The following GLI1 variants were observed in gnomAD, a reference collection of about 807,000 sequenced individuals.
GLI1 encodes transcription activator GLI1.
GLI1 carries 51 observed loss-of-function variants against 87.8 expected under a neutral mutation model. The ratio of observed to expected loss-of-function variants is 0.58; its 90% CI spans 0.46 to 0.73. GLI1 has a LOEUF of 0.73. GLI1 is among the 30% of genes least tolerant of loss of function. The pLI, the probability that GLI1 is intolerant of heterozygous loss-of-function variation, is 0.00. For synonymous variants in GLI1, 528 were observed against 558.2 expected, an observed-to-expected ratio of 0.95 and a Z score of 0.76; for missense variants, 1,292 against 1,437.2, an observed-to-expected ratio of 0.90 and a Z score of 1.63.
In GLI1 at chr12:57,468,183, A is replaced by G. The variant is rs1272008775; in HGVS notation, c.1267A>G (p.Ile423Val). ...CAAGAGGGAGCGGGAAGGAGGTCCC[A>G]TCAGGGAGGAAAGCAGACTGACTGT... ...EPKREREGGPIREESRLTVPE... is the reference protein window; with the variant it reads ...EPKREREGGPVREESRLTVPE... The change falls in exon 10 of 12, where the codon ATC becomes GTC. Residue 423 changes from isoleucine (I) to valine (V), a missense_variant. By Grantham distance (29) the Ile-to-Val change is conservative. Coordinates refer to ENST00000228682, the MANE Select transcript of GLI1 (RefSeq NM_005269.3). The G allele has an allele frequency of 6.2e-7, 1 of 1,614,054 alleles. No homozygotes were observed. Among genetic ancestry groups the G allele is most frequent in the Non-Finnish European group, 8.5e-7 (1 of 1,180,018 alleles).
At chr12:57,461,067 C>G (rs1255623767) in intron 1 of GLI1, among the ~76,000 whole-genome samples, 1 of 151,922 alleles carries the variant, frequency 6.6e-6, no homozygotes, top group Non-Finnish European at 1.5e-5. Context: ...CCCTGCCTGC[C>G]CTTGCTCCCC....
intron 9 of GLI1, 63 bp from the exon 10 acceptor site, chr12:57,467,931 C>T: frequency 3.3e-6 from 4 of 1,223,158 alleles, no homozygotes; most frequent in Non-Finnish European, 4.8e-6. Context: ...CACTTTTTCC[C>T]ATTTCTTCTG....
intron 4 of GLI1, 24 bp from the exon 5 acceptor site, chr12:57,465,087 G>A (rs1452207138): frequency 6.2e-7 from 1 of 1,612,610 alleles, no homozygotes; most frequent in Admixed American, 1.7e-5. Flanking sequence ...ATTGTCTTAA[G>A]TAACTGCCTC....
intron 5 of GLI1, 25 bp from the exon 6 acceptor site, chr12:57,465,580 TCA>T: frequency 6.3e-7 from 1 of 1,589,164 alleles, no homozygotes. Context: ...TCCACCCTCA[TCA>T]CCGTCACCTC....
At position 57,468,074 on chromosome 12, in the gene GLI1, G is replaced by A; in HGVS notation, c.1158G>A (p.Val386=). The change falls in exon 10 of 12, where the codon GTG becomes GTA. Residue 386 remains valine (V), a synonymous_variant. Transcript: ENST00000228682. The stretch of plus-strand genomic sequence containing the variant: ...CGCTGCGAAAACATGTCAAGACAGT[G>A]CATGGTCCTGACGCCCATGTGACCA... The part of the protein sequence containing the change: ...PSSLRKHVKT[V]HGPDAHVTKR... The A allele has an allele frequency of 6.2e-7, 1 of 1,614,158 alleles. No individual in the cohort carries two copies. Among genetic ancestry groups the A allele is most frequent in the Non-Finnish European group, 8.5e-7 (1 of 1,179,984 alleles).
At position 57,465,133 on chromosome 12, in the gene GLI1, C is replaced by G; in HGVS notation, c.412C>G (p.Gln138Glu). Residue 138 changes from glutamine (Q) to glutamate (E), a missense_variant, in exon 5 of 12, where the codon CAG becomes GAG. Gln to Glu is a conservative substitution (Grantham distance 29). This residue lies in a region of GLI1 where 383 missense variants were observed against 368.4 expected (regional missense o/e 1.04). Coordinates refer to ENST00000228682, the MANE Select transcript of GLI1 (RefSeq NM_005269.3). ...TMSPSLGFPA[Q>E]MNHQKGPSPS... ...CAGCCCATCTCTGGGATTCCCAGCC[C>G]AGATGAATCACCAAAAAGGGCCCTC... 1 of 1,614,154 alleles carries G rather than the reference C, an allele frequency of 6.2e-7. No individual in the cohort carries two copies. The highest frequency in any genetic ancestry group is 8.5e-7 in the Non-Finnish European group (1 of 1,179,982).
intron 8 of GLI1, 85 bp from the exon 9 acceptor site, chr12:57,467,248 G>A (rs575009403): frequency 8.9e-7 from 1 of 1,118,832 alleles, no homozygotes; most frequent in Admixed American, 2.2e-5. Context: ...ATTCTCTGAT[G>A]TGTGTCCTGT....
At chr12:57,464,177 T>C (rs1871323987) in intron 3 of GLI1, 86 bp downstream of exon 3, 1 of 915,672 alleles carries the variant, frequency 1.1e-6, no homozygotes, top group East Asian at 2.4e-5. Flanking sequence ...GGATCTCACT[T>C]GGAGGAGGAG....
intron 1 of GLI1, among the ~76,000 whole-genome samples, chr12:57,462,397 C>G (rs540061193): frequency 6.6e-6 from 1 of 152,112 alleles, no homozygotes; most frequent in East Asian, 1.9e-4. Context: ...ATCCCAGCAT[C>G]CCGGGATCAC....
In GLI1 at chr12:57,465,118, C is replaced by G. The variant is rs1476006703; in HGVS notation, c.397C>G (p.Leu133Val). The G allele has an allele frequency of 1.2e-6, 2 of 1,614,146 alleles. No homozygotes were observed. Among genetic ancestry groups the G allele is most frequent in the Non-Finnish European group, 1.7e-6 (2 of 1,179,966 alleles). ...HLSIGTMSPS[L>V]GFPAQMNHQK... ...GCCTCCTCTCCTCCTCAGCCCATCT[C>G]TGGGATTCCCAGCCCAGATGAATCA... is the stretch of plus-strand genomic sequence containing the variant. The change falls in exon 5 of 12, where the codon CTG becomes GTG. Residue 133 changes from leucine to valine, a missense_variant. Leu to Val is a conservative substitution (Grantham distance 32, BLOSUM62 1). Around this residue, in one of 3 missense-constraint regions of GLI1, gnomAD observed 383 missense variants for 368.4 expected, o/e 1.04. Transcript: ENST00000228682.
Position 57,468,031 on chromosome 12 carries a change from G to A in GLI1, c.1115G>A (p.Arg372His), listed in dbSNP as rs913592640. The A allele has an allele frequency of 5.0e-6, 8 of 1,614,014 alleles. No individual in the cohort carries two copies. The highest frequency in any genetic ancestry group is 2.7e-5 in the African/African-American group (2 of 74,926). The change falls in exon 10 of 12, where the codon CGC (arginine) becomes CAC (histidine). Residue 372 changes from arginine (R) to histidine (H), a missense_variant. Arg to His is a conservative substitution (Grantham distance 29, BLOSUM62 0). Transcript: ENST00000228682. Reference protein sequence around the residue: ...YVCKLPGCTKRYTDPSSLRKH... With the variant: ...YVCKLPGCTKHYTDPSSLRKH... ...TGTAAGCTCCCTGGCTGCACCAAACGCTATACAGATCCTAGCTCGCTGCGA... is the reference window on the plus strand; with the variant it reads ...TGTAAGCTCCCTGGCTGCACCAAACACTATACAGATCCTAGCTCGCTGCGA...
At chr12:57,469,358 A>G (rs1203008478) in intron 10 of GLI1, 73 bp from the exon 11 acceptor site, 55 of 1,477,426 alleles carry the variant, frequency 3.7e-5, no homozygotes, top group African/African-American at 1.4e-5. Context: ...ACTGGGACAC[A>G]GGCTTCAGCC....
chr12:57,463,536 G>A (rs1300593537), intron 1 of GLI1, 129 bp from the exon 2 acceptor site: 2 of 658,832 alleles, frequency 3.0e-6, no homozygotes, highest in Admixed American at 2.2e-5. Context: ...TTTTCAACTC[G>A]AATTCCGTGG....
Position 57,471,663 on chromosome 12 carries a change from G to T in GLI1, c.2923G>T (p.Val975Leu). Residue 975 changes from valine (V) to leucine (L), a missense_variant, in exon 12 of 12, where the codon GTA (valine) becomes TTA (leucine). By Grantham distance (32) the Val-to-Leu change is conservative. Coordinates refer to ENST00000228682, the MANE Select transcript of GLI1 (RefSeq NM_005269.3). This position sits in a 1 kb window ranked among gnomAD's most constrained non-coding sequence, Gnocchi z 4.9. ...CCCTTCACCATGCCATGAAAATTTT[G>T]TAGTGGGGGCAAATAGGGCTTCACA... is the stretch of plus-strand genomic sequence containing the variant. ...PTPSPCHENF[V>L]VGANRASHRA... 1 of 1,611,294 alleles carries T rather than the reference G, an allele frequency of 6.2e-7. No homozygotes were observed. Among genetic ancestry groups the T allele is most frequent in the Non-Finnish European group, 8.5e-7 (1 of 1,178,798 alleles).
rs1594747075 is a variant in GLI1, at chr12:57,468,106, A to C, written c.1190A>C (p.His397Pro). ...HGPDAHVTKR[H>P]RGDGPLPRAP... is the part of the protein sequence containing the mutation. ...CCTGACGCCCATGTGACCAAACGGCACCGTGGGGATGGCCCCCTGCCTCGG... is the reference window on the plus strand; with the variant it reads ...CCTGACGCCCATGTGACCAAACGGCCCCGTGGGGATGGCCCCCTGCCTCGG... Residue 397 changes from histidine (H) to proline (P), a missense_variant, in exon 10 of 12, where the codon CAC becomes CCC. Physicochemically the swap from His to Pro is moderately conservative, Grantham distance 77. Around this residue, in one of 3 missense-constraint regions of GLI1, gnomAD observed 897 missense variants for 1,040.7 expected, o/e 0.86. Transcript: ENST00000228682. The C allele has an allele frequency of 6.2e-7, 1 of 1,614,164 alleles. No individual in the cohort carries two copies. The highest frequency in any genetic ancestry group is 8.5e-7 in the Non-Finnish European group (1 of 1,179,984).
intron 3 of GLI1, 100 bp downstream of exon 3, chr12:57,464,191 C>T: frequency 1.2e-6 from 1 of 847,008 alleles, no homozygotes; most frequent in South Asian, 1.4e-5. Flanking sequence ...GGAGGAGATG[C>T]TTGGAGATGT....
chr12:57,465,325 A>C, intron 5 of GLI1, 70 bp downstream of exon 5: 1 of 1,389,454 alleles, frequency 7.2e-7, no homozygotes, highest in East Asian at 2.3e-5. Flanking sequence ...TTTGTAGGGG[A>C]AAGGTGAAGG....
At chr12:57,464,980 A>T in intron 4 of GLI1, 112 bp downstream of exon 4, 1 of 1,235,292 alleles carries the variant, frequency 8.1e-7, no homozygotes, top group South Asian at 1.2e-5. Context: ...TTCAAAGACA[A>T]CTCTCCTCAG....
chr12:57,464,241 G>C (rs967113124), intron 3 of GLI1, 150 bp downstream of exon 3: 7 of 654,846 alleles, frequency 1.1e-5, no homozygotes, highest in Non-Finnish European at 1.9e-5. Flanking sequence ...AGATGGGGCC[G>C]GGCGCGGTGG....
Sources: gnomAD v4.1 joint callset for allele counts (sites outside exome capture counted in the v4.1 genomes callset) on GRCh38, gnomAD v4.1.1 for gene constraint, gnomAD v4.1.1 regional missense constraint, Gnocchi (gnomAD v3.1) non-coding constraint, MANE v1.5 for transcripts, NCBI Gene and HGNC (gene_info 2026-07-23, HGNC 2026-07-21) for gene names.